The following GPR39 variants were observed in gnomAD, a reference collection of about 807,000 sequenced individuals.
GPR39 encodes G protein-coupled receptor 39, also known as zinc sensing receptor.
Under a neutral mutation model 18.4 loss-of-function variants are expected in GPR39, and 23 were observed. The observed-to-expected ratio is 1.25, with a 90% CI of 0.90 to 1.77. The LOEUF (loss-of-function observed/expected upper bound fraction) is 1.77. Among genes scored for constraint, GPR39 ranks in the 40% most tolerant of loss-of-function variants. The pLI, the probability that GPR39 is intolerant of heterozygous loss-of-function variation, is 0.00. For synonymous variants in GPR39, 280 were observed against 257.9 expected (o/e 1.09, Z -0.82); for missense variants, 647 against 602.4 (o/e 1.07, Z -0.78).
At chr2:132,586,234 C>T (rs1680730059) in intron 1 of GPR39, among the ~76,000 whole-genome samples, 1 of 152,076 alleles carries the variant, frequency 6.6e-6, no homozygotes, top group Admixed American at 6.6e-5. Context: ...AACAAAAAGC[C>T]ATTCACTTGG....
intron 1 of GPR39, among the ~76,000 whole-genome samples, chr2:132,580,988 CA>C (rs139481939): frequency 1.4e-5 from 2 of 138,086 alleles, no homozygotes; most frequent in Admixed American, 7.2e-5. Flanking sequence ...AAAAAAACAC[CA>C]AAAAAAAACA....
chr2:132,489,187 CT>C, intron 1 of GPR39: 1 of 226,166 alleles, frequency 4.4e-6, no homozygotes, highest in Non-Finnish European at 9.4e-6. Flanking sequence ...ACAAATGCAT[CT>C]TCCTCGGTAT....
chr2:132,570,639 C>T (rs924764687), intron 1 of GPR39, among the ~76,000 whole-genome samples: 6 of 152,192 alleles, frequency 3.9e-5, no homozygotes, highest in Admixed American at 1.3e-4. Flanking sequence ...GTCCTCTACC[C>T]AGGAAGGAAG....
intron 1 of GPR39, among the ~76,000 whole-genome samples, chr2:132,551,975 C>T (rs543418123): frequency 1.3e-5 from 2 of 152,184 alleles, no homozygotes; most frequent in South Asian, 2.1e-4. Context: ...TCAGGGTCCT[C>T]CAGAGAAATA....
intron 1 of GPR39, among the ~76,000 whole-genome samples, chr2:132,446,732 A>C (rs1680544428): frequency 6.6e-6 from 1 of 152,060 alleles, no homozygotes; most frequent in Non-Finnish European, 1.5e-5. Flanking sequence ...CAGGGGCAGT[A>C]ATGGAGATGA....
chr2:132,426,271 C>T (rs534199081), intron 1 of GPR39, among the ~76,000 whole-genome samples: 2 of 152,366 alleles, frequency 1.3e-5, no homozygotes, highest in Admixed American at 1.3e-4. Flanking sequence ...GGAATGTTCA[C>T]TGGACTTTTA....
intron 1 of GPR39, among the ~76,000 whole-genome samples, chr2:132,638,150 A>T (rs1488911226): frequency 6.6e-6 from 1 of 152,092 alleles, no homozygotes; most frequent in Non-Finnish European, 1.5e-5. Context: ...AGGATAGGAG[A>T]AGAAAGAAGA....
chr2:132,583,354 G>T (rs1680661864), intron 1 of GPR39, among the ~76,000 whole-genome samples: 1 of 149,400 alleles, frequency 6.7e-6, no homozygotes, highest in South Asian at 2.1e-4. Context: ...TCCTAAGTGA[G>T]ATCCCCCCAA....
At chr2:132,581,264 C>G (rs1680617531) in intron 1 of GPR39, among the ~76,000 whole-genome samples, 2 of 151,590 alleles carry the variant, frequency 1.3e-5, no homozygotes, top group Admixed American at 6.6e-5. Context: ...CGATTCAGTC[C>G]TCTATTAGGT....
At chr2:132,436,757 G>A (rs1297192302) in intron 1 of GPR39, among the ~76,000 whole-genome samples, 2 of 152,144 alleles carry the variant, frequency 1.3e-5, no homozygotes, top group African/African-American at 4.8e-5. Context: ...GGCTGGTGCT[G>A]GCTTGGTGCT....
chr2:132,473,365 C>T (rs1170086632), intron 1 of GPR39, among the ~76,000 whole-genome samples: 1 of 152,114 alleles, frequency 6.6e-6, no homozygotes, highest in Non-Finnish European at 1.5e-5. Context: ...CTTCCTGCTC[C>T]CCCATGCAAT....
intron 1 of GPR39, among the ~76,000 whole-genome samples, chr2:132,463,773 A>G (rs1573614528): frequency 6.6e-6 from 1 of 152,240 alleles, no homozygotes; most frequent in Non-Finnish European, 1.5e-5. Flanking sequence ...ATTTCTCACA[A>G]TCCTGTGAAT....
intron 1 of GPR39, among the ~76,000 whole-genome samples, chr2:132,517,490 A>G (rs189486373): frequency 6.6e-6 from 1 of 152,272 alleles, no homozygotes; most frequent in East Asian, 1.9e-4. Flanking sequence ...CTCTCCCTTG[A>G]TCATGGCAAA....
chr2:132,552,863 C>CAT (rs1169279011), intron 1 of GPR39, among the ~76,000 whole-genome samples: 3 of 134,896 alleles, frequency 2.2e-5, no homozygotes, highest in African/African-American at 5.7e-5. Flanking sequence ...TATATATATA[C>CAT]ATATATATAC....
At chr2:132,515,722 C>T (rs562168758) in intron 1 of GPR39, among the ~76,000 whole-genome samples, 19 of 152,288 alleles carry the variant, frequency 1.2e-4, no homozygotes, top group Middle Eastern at 6.8e-3. Flanking sequence ...CCTTGTCCCT[C>T]CTTTCTCCCT....
At chr2:132,517,349 C>G (rs1367074258) in intron 1 of GPR39, among the ~76,000 whole-genome samples, 1 of 152,062 alleles carries the variant, frequency 6.6e-6, no homozygotes, top group African/African-American at 2.4e-5. Context: ...AAACTTTTCA[C>G]TAGCTCTTTA....
At chr2:132,549,695 G>A (rs980565576) in intron 1 of GPR39, among the ~76,000 whole-genome samples, 9 of 152,156 alleles carry the variant, frequency 5.9e-5, no homozygotes, top group African/African-American at 2.2e-4. Context: ...GGCTGAGGCA[G>A]GAGAATCGCT....
chr2:132,554,966 T>C (rs963094780), intron 1 of GPR39, among the ~76,000 whole-genome samples: 4 of 143,818 alleles, frequency 2.8e-5, no homozygotes, highest in African/African-American at 7.8e-5. Flanking sequence ...TTTTTTTTTT[T>C]CCTGAGATGG....
chr2:132,620,857 A>G (rs894116509), intron 1 of GPR39, among the ~76,000 whole-genome samples: 9 of 152,150 alleles, frequency 5.9e-5, no homozygotes, highest in African/African-American at 2.2e-4. Context: ...GGTTCACGCC[A>G]TTCTCCTGCC....
Sources: allele counts gnomAD v4.1 joint callset (sites outside exome capture counted in the v4.1 genomes callset), GRCh38; gene constraint gnomAD v4.1.1; transcripts MANE v1.5; gene names NCBI Gene and HGNC (gene_info 2026-07-23, HGNC 2026-07-21).